The following LIFR variants were observed in gnomAD, a reference collection of about 807,000 sequenced individuals.
The protein encoded by LIFR is LIF receptor subunit alpha, also known as leukemia inhibitory factor receptor.
Under a neutral mutation model 122.2 loss-of-function variants are expected in LIFR, and 84 were observed. That is an observed-to-expected ratio of 0.69 (90% CI 0.58 to 0.82). The LOEUF (loss-of-function observed/expected upper bound fraction) is 0.82. Ranked by LOEUF, LIFR falls within the 40% of genes least tolerant of loss-of-function variation. LIFR has a pLI of 0.00. For synonymous variants in LIFR, 422 were observed against 434.7 expected, an observed-to-expected ratio of 0.97 and a Z score of 0.36; for missense variants, 1,294 against 1,311.6, an observed-to-expected ratio of 0.99 and a Z score of 0.21.
intron 1 of LIFR, among the ~76,000 whole-genome samples, chr5:38,540,742 A>G (rs907750308): frequency 6.6e-6 from 1 of 151,482 alleles, no homozygotes; most frequent in African/African-American, 2.4e-5. Context: ...TTATTATGAA[A>G]TATCCTTATT....
rs1268020734 is a variant in LIFR, at chr5:38,588,471, C to T, written c.-20+6790G>A. Among the ~76,000 whole-genome samples, 4 of 152,310 alleles carry T rather than the reference C, an allele frequency of 2.6e-5. No individual in the cohort carries two copies. In the East Asian group the frequency reaches 7.7e-4, roughly 29 times the overall value. The stretch of plus-strand genomic sequence containing the variant: ...TTGACCTCATTGTTAAAAATCCTCA[C>T]AGAAGTCAGTATTACAGAGAAAAGA... On this transcript the variant is annotated intron_variant, in intron 1 of 19. Coordinates refer to the LIFR transcript ENST00000263409.
At position 38,510,595 on chromosome 5, in the gene LIFR, C is replaced by A. The variant is rs1745744862; in HGVS notation, c.860G>T (p.Cys287Phe). The A allele has an allele frequency of 1.2e-6, 2 of 1,614,038 alleles. No homozygotes were observed. Among genetic ancestry groups the A allele is most frequent in the East Asian group, 2.2e-5 (1 of 44,852 alleles). ...VLSALIGHTN[C>F]PLIHLDGENV... ...TTCCCCATCAAGATGGATCAAGGGGCAGTTTGTATGGCCAATCAGTGCTGA... is the reference window on the plus strand; with the variant it reads ...TTCCCCATCAAGATGGATCAAGGGGAAGTTTGTATGGCCAATCAGTGCTGA... The change falls in exon 7 of 20, where the codon TGC (cysteine) becomes TTC (phenylalanine). Residue 287 changes from cysteine (C) to phenylalanine (F), a missense_variant. Physicochemically the swap from Cys to Phe is radical, Grantham distance 205. Coordinates refer to ENST00000453190, the MANE Select transcript of LIFR (RefSeq NM_001127671.2).
chr5:38,603,681 A>G (rs1384413869), intron 2 of LIFR, among the ~76,000 whole-genome samples: 2 of 152,144 alleles, frequency 1.3e-5, no homozygotes, highest in African/African-American at 4.8e-5. Context: ...GATCTCCATC[A>G]CTCACAAGAA....
rs991533812 is a variant in LIFR at position 38,556,498 on chromosome 5, C to G, written c.-184G>C. On this transcript the variant is annotated 5_prime_UTR_variant, in exon 1 of 20. Transcript: ENST00000453190. ...CCTCCGCAGCCGCCGTCTCGCCTCC[C>G]CTGTGTCGGCGCGAGGCTGCTTGAG... The G allele has an allele frequency of 6.6e-6, 1 of 151,180 alleles. No individual in the cohort carries two copies. Among genetic ancestry groups the G allele is most frequent in the African/African-American group, 2.4e-5 (1 of 41,288 alleles). The allele number at this position is 151,180 out of a possible 1,614,324, so 9.4% of individuals were successfully genotyped here. A position where few individuals can be genotyped will look rare whatever the true frequency, so the allele number is the denominator to read the frequency against.
chr5:38,602,190 G>A (rs1364846572), intron 2 of LIFR, among the ~76,000 whole-genome samples: 2 of 152,140 alleles, frequency 1.3e-5, no homozygotes, highest in African/African-American at 2.4e-5. Context: ...CTTTAGAGTA[G>A]GAAGCTGATG....
At chr5:38,562,076 A>G (rs940987071) in intron 1 of LIFR, among the ~76,000 whole-genome samples, 12 of 152,180 alleles carry the variant, frequency 7.9e-5, no homozygotes, top group Non-Finnish European at 1.5e-4. Flanking sequence ...ACAGCCAGTG[A>G]CAGGAGGGAG....
chr5:38,482,531 A>G lies in LIFR; in HGVS notation c.2670+58T>C, dbSNP rs562607341. 658 of 951,104 alleles carry G rather than the reference A, an allele frequency of 6.9e-4. 2 individuals carry two copies. In the African/African-American group the frequency reaches 7.7e-3, roughly 11 times the overall value. 58.9% of individuals were successfully genotyped at this position (951,104 alleles called of 1,614,324 possible). ...ATTTGCATGTTAAAAACTTTTCACA[A>G]AAGATTAAAAAAAGAAGCCAGCACA... On this transcript the variant is annotated intron_variant, in intron 19 of 19. Coordinates refer to ENST00000453190, the MANE Select transcript of LIFR (RefSeq NM_001127671.2).
intron 1 of LIFR, among the ~76,000 whole-genome samples, chr5:38,589,622 G>A (rs568258328): frequency 2.8e-4 from 42 of 152,120 alleles, no homozygotes; most frequent in South Asian, 1.9e-3. Flanking sequence ...TTAAATAATA[G>A]TATATGGAAA....
intron 4 of LIFR, among the ~76,000 whole-genome samples, 194 bp downstream of exon 4, chr5:38,526,961 G>C (rs186679662): frequency 6.6e-6 from 1 of 152,200 alleles, no homozygotes; most frequent in East Asian, 1.9e-4. Context: ...CCTGAATTCT[G>C]GGCTATTTTG....
In LIFR at chr5:38,479,571, G is replaced by A. The variant is rs561412516; in HGVS notation, c.*2024C>T. On this transcript the variant is annotated 3_prime_UTR_variant, in exon 20 of 20. Transcript: ENST00000453190. ...CCTTTTCTCATTATCTCAGGTTAGC[G>A]CCGTTTAGAGCAATAAACTTTTACT... 13 of 230,804 alleles carry A rather than the reference G, an allele frequency of 5.6e-5. No individual in the cohort carries two copies. In the Middle Eastern group the frequency reaches 5.2e-3, roughly 92 times the overall value. 14.3% of individuals were successfully genotyped at this position (230,804 alleles called of 1,614,324 possible). A position where few individuals can be genotyped will look rare whatever the true frequency, so the allele number is the denominator to read the frequency against.
rs1042138757 is a variant in LIFR, at chr5:38,482,001, G to A, written c.2888C>T (p.Ala963Val). 1 of 1,614,152 alleles carries A rather than the reference G, an allele frequency of 6.2e-7. No homozygotes were observed. Among genetic ancestry groups the A allele is most frequent in the South Asian group, 1.1e-5 (1 of 91,064 alleles). The change falls in exon 20 of 20, where the codon GCA becomes GTA. Residue 963 changes from alanine (A) to valine (V), a missense_variant. Physicochemically the swap from Ala to Val is moderately conservative, Grantham distance 64. Coordinates refer to ENST00000453190, the MANE Select transcript of LIFR (RefSeq NM_001127671.2). Reference sequence around the variant, plus strand: ...CTGTGCAGTCCCTCCAGCTTCATCTGCGGCTGGGTTTGGTATTTCTTCCTC... The same window carrying A: ...CTGTGCAGTCCCTCCAGCTTCATCTACGGCTGGGTTTGGTATTTCTTCCTC... Reference protein sequence around the residue: ...IIEEEIPNPAADEAGGTAQVI... With the variant: ...IIEEEIPNPAVDEAGGTAQVI...
chr5:38,571,134 C>A (rs1030012386), intron 1 of LIFR, among the ~76,000 whole-genome samples: 2 of 152,294 alleles, frequency 1.3e-5, no homozygotes, highest in Admixed American at 1.3e-4. Context: ...GCAACTTGAT[C>A]TTCATCAGCC....
At chr5:38,561,253 A>G (rs1748827579), upstream of LIFR, among the ~76,000 whole-genome samples, 1 of 152,222 alleles carries the variant, frequency 6.6e-6, no homozygotes, top group South Asian at 2.1e-4. Context: ...GGTGGCATAC[A>G]GAGCTAATTT....
chr5:38,486,529 A>G (rs1744293335), intron 16 of LIFR, among the ~76,000 whole-genome samples: 1 of 152,196 alleles, frequency 6.6e-6, no homozygotes, highest in African/African-American at 2.4e-5. Flanking sequence ...CATTTGAACT[A>G]CTATTTTATT....
Position 38,493,627 on chromosome 5 carries a change from T to TG in LIFR, c.2043dup (p.Thr682HisfsTer2). 6.2e-7 allele frequency: 1 copy of TG among 1,614,124 alleles called. No homozygotes were observed. The highest frequency in any genetic ancestry group is 8.5e-7 in the Non-Finnish European group (1 of 1,179,970). On this transcript the variant is annotated frameshift_variant, in exon 14 of 20. Transcript: ENST00000453190. LOFTEE classifies it high-confidence loss of function. Reference sequence around the variant, plus strand: ...TTACCAGATTCTATTACAGTTTCAGTGCTGTTTGAGGGAACTTTTCTCCAG... The same window carrying TG: ...TTACCAGATTCTATTACAGTTTCAGTGGCTGTTTGAGGGAACTTTTCTCCAG...
intron 1 of LIFR, among the ~76,000 whole-genome samples, chr5:38,545,879 A>G (rs1332149762): frequency 1.3e-5 from 2 of 151,484 alleles, no homozygotes; most frequent in Non-Finnish European, 2.9e-5. Context: ...AAGAAAAAAA[A>G]AAAAAAAAGA....
intron 1 of LIFR, among the ~76,000 whole-genome samples, chr5:38,543,870 C>A (rs527848752): frequency 6.9e-4 from 105 of 152,256 alleles, no homozygotes; most frequent in African/African-American, 2.4e-3. Flanking sequence ...GATATACGTA[C>A]AACTTGTCAC....
intron 1 of LIFR, among the ~76,000 whole-genome samples, chr5:38,550,858 A>T (rs550122354): frequency 1.3e-5 from 2 of 152,304 alleles, no homozygotes; most frequent in African/African-American, 4.8e-5. Flanking sequence ...TCTGGGTCTA[A>T]GTTTCTTTAT....
intron 5 of LIFR, among the ~76,000 whole-genome samples, chr5:38,514,244 C>A (rs189951170): frequency 6.6e-6 from 1 of 152,134 alleles, no homozygotes; most frequent in African/African-American, 2.4e-5. Context: ...AAGGACAAAT[C>A]AAAGAAATAA....
Sources: allele counts gnomAD v4.1 joint callset (sites outside exome capture counted in the v4.1 genomes callset), GRCh38; gene constraint gnomAD v4.1.1; transcripts MANE v1.5; gene names NCBI Gene and HGNC (gene_info 2026-07-23, HGNC 2026-07-21).